Variants in PTPRO observed in about 807,000 individuals in gnomAD.
PTPRO encodes the protein receptor-type tyrosine-protein phosphatase O.
A neutral mutation model predicts 145.2 loss-of-function variants in PTPRO; 62 were observed. That is an observed-to-expected ratio of 0.43 (90% CI 0.35 to 0.53). The LOEUF is 0.53. PTPRO is among the 20% of genes least tolerant of loss of function. PTPRO has a pLI of 0.01. For missense variants in PTPRO, 1,345 were observed against 1,482.7 expected, an observed-to-expected ratio of 0.91 and a Z score of 1.53; for synonymous variants, 565 against 514.7, an observed-to-expected ratio of 1.10 and a Z score of -1.32.
At chr12:15,535,600 A>G (rs922351390) in intron 12 of PTPRO, among the ~76,000 whole-genome samples, 3 of 152,270 alleles carry the variant, frequency 2.0e-5, no homozygotes, top group African/African-American at 7.2e-5. Context: ...GCTGGCGCTT[A>G]GAGAAATGTG....
intron 1 of PTPRO, among the ~76,000 whole-genome samples, chr12:15,356,173 T>A (rs751807889): frequency 2.0e-5 from 3 of 152,238 alleles, no homozygotes; most frequent in Non-Finnish European, 4.4e-5. Context: ...AATTTAAATA[T>A]AATCCTGCAA....
At chr12:15,378,812 T>C (rs1938766596) in intron 1 of PTPRO, among the ~76,000 whole-genome samples, 3 of 152,166 alleles carry the variant, frequency 2.0e-5, no homozygotes, top group African/African-American at 7.2e-5. Flanking sequence ...AGAATCTGTA[T>C]CTTGAATATG....
chr12:15,412,521 A>AT (rs897453618), intron 1 of PTPRO, among the ~76,000 whole-genome samples: 11 of 152,112 alleles, frequency 7.2e-5, no homozygotes, highest in African/African-American at 2.4e-4. Flanking sequence ...GCAACTTCTC[A>AT]TTTTTTTGTC....
chr12:15,554,414 GTA>G (rs573367538), intron 15 of PTPRO, among the ~76,000 whole-genome samples: 4,683 of 149,254 alleles, frequency 0.031, 225 homozygotes, highest in African/African-American at 0.11. Flanking sequence ...GTGTGTGTGT[GTA>G]TATATATATA....
chr12:15,541,568 A>G (rs1943180394), intron 12 of PTPRO, among the ~76,000 whole-genome samples: 2 of 152,210 alleles, frequency 1.3e-5, no homozygotes, highest in African/African-American at 2.4e-5. Context: ...AGGCTTGCAG[A>G]TGATCACTTT....
chr12:15,470,346 G>A (rs1466678879), intron 1 of PTPRO, among the ~76,000 whole-genome samples: 8 of 152,134 alleles, frequency 5.3e-5, no homozygotes, highest in Non-Finnish European at 8.8e-5. Context: ...TTGAACCTCA[G>A]TTTCTTCTTC....
chr12:15,557,505 G>A lies in PTPRO; in HGVS notation c.2609G>A (p.Gly870Glu). The change falls in exon 16 of 27, where the codon GGA (glycine) becomes GAA (glutamate). Residue 870 changes from glycine to glutamate, a missense_variant. By Grantham distance (98) the Gly-to-Glu change is moderately conservative. This residue lies in a region of PTPRO where 1,130 missense variants were observed against 1,214.7 expected (regional missense o/e 0.93). Transcript: ENST00000281171. ...AATTTTGCATCCTTAGAGAGGGATGGAAAGCTTCCATACAACTGGTGAGTA... is the reference window on the plus strand; with the variant it reads ...AATTTTGCATCCTTAGAGAGGGATGAAAAGCTTCCATACAACTGGTGAGTA... ...FVNFASLERD[G>E]KLPYNWRRSI... 2 of 1,613,764 alleles carry A rather than the reference G, an allele frequency of 1.2e-6. No homozygotes were observed. The highest frequency in any genetic ancestry group is 1.7e-5 in the Admixed American group (1 of 60,016).
intron 16 of PTPRO, among the ~76,000 whole-genome samples, chr12:15,558,963 G>A (rs1345713736): frequency 6.6e-6 from 1 of 152,102 alleles, no homozygotes; most frequent in African/African-American, 2.4e-5. Context: ...GAAAAGTTAG[G>A]AAACGTTACT....
intron 2 of PTPRO, among the ~76,000 whole-genome samples, chr12:15,485,246 G>C (rs1392615922): frequency 1.3e-5 from 2 of 152,010 alleles, no homozygotes. Flanking sequence ...ACAATCCCAG[G>C]ATCAGTAGTG....
At chr12:15,459,808 C>T (rs1941260948) in intron 1 of PTPRO, among the ~76,000 whole-genome samples, 1 of 152,122 alleles carries the variant, frequency 6.6e-6, no homozygotes, top group Admixed American at 6.5e-5. Context: ...AAAACTAAAT[C>T]GTAAAGTATA....
chr12:15,589,608 AT>A lies in PTPRO; in HGVS notation c.3546+19del. 6.2e-7 allele frequency: 1 copy of A among 1,613,556 alleles called. No homozygotes were observed. Among genetic ancestry groups the A allele is most frequent in the East Asian group, 2.2e-5 (1 of 44,838 alleles). On this transcript the variant is annotated intron_variant, in intron 25 of 26. Coordinates refer to ENST00000281171, the MANE Select transcript of PTPRO (RefSeq NM_030667.3). ...AGACAGAGGTAGGAACATAATCTAT[AT>A]GTATTTTTAAATTTTCCCTGGACTG...
intron 6 of PTPRO, among the ~76,000 whole-genome samples, chr12:15,504,617 G>C (rs975070482): frequency 6.6e-6 from 1 of 152,052 alleles, no homozygotes; most frequent in Non-Finnish European, 1.5e-5. Flanking sequence ...GCAAAAGCTA[G>C]CCTCTGAAGG....
intron 9 of PTPRO, among the ~76,000 whole-genome samples, chr12:15,518,264 C>T (rs367756135): frequency 9.9e-5 from 15 of 152,206 alleles, no homozygotes; most frequent in East Asian, 3.9e-4. Context: ...CTGATCTCTA[C>T]GTTGGCCCCT....
intron 1 of PTPRO, among the ~76,000 whole-genome samples, chr12:15,454,260 G>T (rs1941119236): frequency 6.6e-6 from 1 of 152,106 alleles, no homozygotes; most frequent in East Asian, 1.9e-4. Flanking sequence ...CATCCCAACA[G>T]TTGTGCAATG....
At chr12:15,374,930 C>A (rs552569918) in intron 1 of PTPRO, among the ~76,000 whole-genome samples, 17 of 152,268 alleles carry the variant, frequency 1.1e-4, no homozygotes, top group African/African-American at 4.1e-4. Flanking sequence ...TGATGTTGAG[C>A]CCCTGTACCA....
chr12:15,416,109 G>C (rs1939963925), intron 1 of PTPRO, among the ~76,000 whole-genome samples: 1 of 151,618 alleles, frequency 6.6e-6, no homozygotes, highest in South Asian at 2.1e-4. Flanking sequence ...TGCCTCTTCT[G>C]CACCTAGGAG....
At chr12:15,348,614 G>T (rs539439176) in intron 1 of PTPRO, 1 of 152,058 alleles carries the variant, frequency 6.6e-6, no homozygotes, top group African/African-American at 2.4e-5. Flanking sequence ...GTGAAACCCC[G>T]TCTCTACTAA....
intron 1 of PTPRO, among the ~76,000 whole-genome samples, chr12:15,427,441 T>C (rs1477306109): frequency 6.6e-6 from 1 of 151,932 alleles, no homozygotes; most frequent in Non-Finnish European, 1.5e-5. Flanking sequence ...TTTGCATGTC[T>C]GTCTTGTATA....
At chr12:15,499,829 T>C (rs886142238) in intron 4 of PTPRO, among the ~76,000 whole-genome samples, 1 of 152,186 alleles carries the variant, frequency 6.6e-6, no homozygotes, top group Non-Finnish European at 1.5e-5. Flanking sequence ...AATAAAAAGC[T>C]ACTATACTAT....
Sources: allele counts gnomAD v4.1 joint callset (sites outside exome capture counted in the v4.1 genomes callset), GRCh38; gene constraint gnomAD v4.1.1; regional missense constraint gnomAD v4.1.1; transcripts MANE v1.5; gene names NCBI Gene and HGNC (gene_info 2026-07-23, HGNC 2026-07-21).